The following PTK2B variants were observed in gnomAD, a reference collection of about 807,000 sequenced individuals.
PTK2B encodes the protein protein-tyrosine kinase 2-beta.
In PTK2B, 71 loss-of-function variants were observed where a neutral mutation model predicts 142.9. The ratio of observed to expected loss-of-function variants is 0.50; its 90% CI spans 0.41 to 0.61. The LOEUF (loss-of-function observed/expected upper bound fraction) is 0.61. Among genes scored for constraint, PTK2B ranks in the 20% least tolerant of loss-of-function variants. PTK2B has a pLI of 0.00. For synonymous variants in PTK2B, 519 were observed against 503.4 expected (o/e 1.03, Z -0.42); for missense variants, 1,105 against 1,320.4 (o/e 0.84, Z 2.53).
chr8:27,456,929 C>G (rs1384050505), intron 30 of PTK2B, among the ~76,000 whole-genome samples: 2 of 152,174 alleles, frequency 1.3e-5, no homozygotes, highest in Non-Finnish European at 2.9e-5. Context: ...CAGGAAGTTG[C>G]AGAAGAAAAG....
chr8:27,358,095 C>T (rs1053739462), intron 1 of PTK2B, among the ~76,000 whole-genome samples: 16 of 152,296 alleles, frequency 1.1e-4, no homozygotes, highest in African/African-American at 3.1e-4. Context: ...ACATAGTAGA[C>T]GTTCCCTTTT....
chr8:27,415,795 T>G (rs908577392), intron 2 of PTK2B, among the ~76,000 whole-genome samples: 17 of 152,114 alleles, frequency 1.1e-4, no homozygotes, highest in Non-Finnish European at 2.5e-4. Context: ...AGAAGCAAAT[T>G]TATAAACTAC....
chr8:27,422,033 G>C (rs1181951560), intron 4 of PTK2B, among the ~76,000 whole-genome samples: 2 of 152,208 alleles, frequency 1.3e-5, no homozygotes, highest in East Asian at 1.9e-4. Flanking sequence ...TATCCAAAAT[G>C]GGGGGCAGGG....
chr8:27,393,883 T>C (rs1807880405), intron 1 of PTK2B, among the ~76,000 whole-genome samples: 1 of 152,016 alleles, frequency 6.6e-6, no homozygotes. Context: ...GGCCATAGGC[T>C]CACTAGATAC....
At chr8:27,311,236 G>T (rs756588144), upstream of PTK2B, 5 of 1,524,880 alleles carry the variant, frequency 3.3e-6, no homozygotes, top group Admixed American at 6.3e-5. Flanking sequence ...TCCGCTCCAT[G>T]GCACGAGCAG....
intron 1 of PTK2B, among the ~76,000 whole-genome samples, chr8:27,334,214 C>T (rs978990456): frequency 4.6e-5 from 7 of 152,236 alleles, no homozygotes; most frequent in East Asian, 1.9e-4. Flanking sequence ...CCAAGAGCTT[C>T]GTCCTATCTC....
At chr8:27,375,757 C>G (rs1246574227) in intron 1 of PTK2B, among the ~76,000 whole-genome samples, 2 of 152,200 alleles carry the variant, frequency 1.3e-5, no homozygotes, top group African/African-American at 2.4e-5. Context: ...CACGGGTGCC[C>G]CCAGCTATAT....
At chr8:27,433,681 G>T in intron 11 of PTK2B, 129 bp downstream of exon 11, 1 of 839,512 alleles carries the variant, frequency 1.2e-6, no homozygotes, top group Non-Finnish European at 1.9e-6. Flanking sequence ...ACAGCCCAGC[G>T]GGAAGCTTCC....
chr8:27,431,253 G>A (rs2132030800), intron 8 of PTK2B, 145 bp from the exon 9 acceptor site: 1 of 1,528,244 alleles, frequency 6.5e-7, no homozygotes, highest in African/African-American at 1.4e-5. Context: ...AGGAGGGGAA[G>A]ATCCATATGG....
intron 1 of PTK2B, among the ~76,000 whole-genome samples, chr8:27,394,949 C>G (rs568955383): frequency 2.6e-5 from 4 of 152,172 alleles, no homozygotes; most frequent in Non-Finnish European, 4.4e-5. Flanking sequence ...CTCCACATCT[C>G]GTCCCACTGG....
chr8:27,435,704 G>C (rs368347980), intron 13 of PTK2B, 39 bp from the exon 14 acceptor site: 2 of 1,611,594 alleles, frequency 1.2e-6, no homozygotes, highest in South Asian at 1.1e-5. Context: ...CCCACCAAGG[G>C]CATCTTGTCC....
At chr8:27,406,935 T>C (rs1006357691) in intron 2 of PTK2B, among the ~76,000 whole-genome samples, 12 of 152,132 alleles carry the variant, frequency 7.9e-5, no homozygotes, top group Admixed American at 5.2e-4. Flanking sequence ...AAAGATATTT[T>C]AGTAGGGGGA....
At chr8:27,435,668 A>G in intron 13 of PTK2B, 75 bp from the exon 14 acceptor site, 3 of 1,551,900 alleles carry the variant, frequency 1.9e-6, no homozygotes, top group Non-Finnish European at 2.7e-6. Context: ...TCCAGCAGGG[A>G]GCCCCACACC....
At chr8:27,330,111 G>A (rs1050879912) in intron 1 of PTK2B, among the ~76,000 whole-genome samples, 9 of 152,220 alleles carry the variant, frequency 5.9e-5, no homozygotes, top group East Asian at 3.9e-4. Flanking sequence ...CATATCCAAC[G>A]AGGATGGACT....
At chr8:27,372,244 A>G (rs1358801456) in intron 1 of PTK2B, among the ~76,000 whole-genome samples, 1 of 152,234 alleles carries the variant, frequency 6.6e-6, no homozygotes, top group Admixed American at 6.5e-5. Flanking sequence ...CAAGTTCCCC[A>G]GAGAAACAGA....
intron 1 of PTK2B, among the ~76,000 whole-genome samples, chr8:27,382,787 C>T (rs892921274): frequency 7.2e-5 from 11 of 152,284 alleles, no homozygotes; most frequent in African/African-American, 2.6e-4. Flanking sequence ...TCAGATTTTT[C>T]AGCACCATTT....
chr8:27,391,110 C>T (rs973998836), intron 1 of PTK2B, among the ~76,000 whole-genome samples: 3 of 149,018 alleles, frequency 2.0e-5, no homozygotes, highest in Non-Finnish European at 3.0e-5. Flanking sequence ...GGTGAAGTTT[C>T]GCTCTTTTCC....
intron 1 of PTK2B, among the ~76,000 whole-genome samples, chr8:27,343,402 C>T (rs1804528768): frequency 6.6e-6 from 1 of 152,198 alleles, no homozygotes; most frequent in Non-Finnish European, 1.5e-5. Context: ...ACGAAAGTCA[C>T]AAATGACTTT....
At chr8:27,449,269 A>G (rs1811662700) in intron 24 of PTK2B, among the ~76,000 whole-genome samples, 1 of 152,260 alleles carries the variant, frequency 6.6e-6, no homozygotes. Flanking sequence ...TGCTTAATAA[A>G]TAATTGTTGA....
Sources: gnomAD v4.1 joint callset for allele counts (sites outside exome capture counted in the v4.1 genomes callset) on GRCh38, gnomAD v4.1.1 for gene constraint, MANE v1.5 for transcripts, NCBI Gene and HGNC (gene_info 2026-07-23, HGNC 2026-07-21) for gene names.